Variants in RTTN observed in about 807,000 individuals in gnomAD.
RTTN encodes rotatin.
RTTN carries 182 observed loss-of-function variants against 269.2 expected under a neutral mutation model. That is an observed-to-expected ratio of 0.68 (90% CI 0.60 to 0.76). The LOEUF (loss-of-function observed/expected upper bound fraction) is 0.76, where lower values mean the gene tolerates loss of function less well. Ranked by LOEUF, RTTN falls within the 30% of genes least tolerant of loss-of-function variation. The probability of loss-of-function intolerance (pLI) is 0.00; values close to 1 mark genes in which losing one functional copy is unlikely to be tolerated. For missense variants in RTTN, 2,545 were observed against 2,608.6 expected (o/e 0.98, Z 0.53); for synonymous variants, 1,006 against 963.5 (o/e 1.04, Z -0.82).
chr18:70,170,687 A>G (rs1471691777), intron 11 of RTTN, among the ~76,000 whole-genome samples: 1 of 152,194 alleles, frequency 6.6e-6, no homozygotes, highest in African/African-American at 2.4e-5. Context: ...CCTCTGCTGA[A>G]AGCCACTGGA....
rs1467766982 is a variant in RTTN, at chr18:70,190,521, T to C, written c.1189+17A>G. 1 of 1,574,804 alleles carries C rather than the reference T, an allele frequency of 6.3e-7. No individual in the cohort carries two copies. Among genetic ancestry groups the C allele is most frequent in the South Asian group, 1.1e-5 (1 of 88,290 alleles). Reference sequence around the variant, plus strand: ...GACACAAATTATATCAGAATTACGATTTCTAAAACAACTAACCTGTTCTTA... The same window carrying C: ...GACACAAATTATATCAGAATTACGACTTCTAAAACAACTAACCTGTTCTTA... On this transcript the variant is annotated intron_variant, in intron 9 of 48. Transcript: ENST00000640769.
chr18:70,134,658 G>A, intron 22 of RTTN, 117 bp from the exon 23 acceptor site: 2 of 641,722 alleles, frequency 3.1e-6, no homozygotes, highest in Non-Finnish European at 5.5e-6. Context: ...GTGCAACTGA[G>A]TCTATCATTT....
At position 70,092,127 on chromosome 18, in the gene RTTN, C is replaced by T; in HGVS notation, c.4126G>A (p.Val1376Ile). Residue 1376 changes from valine (V) to isoleucine (I), a missense_variant, in exon 30 of 49, where the codon GTT (valine) becomes ATT (isoleucine). Coordinates refer to ENST00000640769, the MANE Select transcript of RTTN (RefSeq NM_173630.4). ...QGLAWLIPLWVDRDPEVRFTS... is the reference protein window; with the variant it reads ...QGLAWLIPLWIDRDPEVRFTS... ...ACACTCACCTCTGGGTCCCGATCAA[C>T]CCATAATGGAATCAACCAAGCCAAT... The T allele has an allele frequency of 2.5e-6, 4 of 1,610,518 alleles. No individual in the cohort carries two copies. The highest frequency in any genetic ancestry group is 1.1e-5 in the South Asian group (1 of 90,980).
At chr18:70,095,819 T>A (rs1315805214) in intron 28 of RTTN, among the ~76,000 whole-genome samples, 4 of 152,154 alleles carry the variant, frequency 2.6e-5, no homozygotes, top group Non-Finnish European at 5.9e-5. Context: ...TCTCTGTATT[T>A]CCTGAATTGG....
Position 70,204,132 on chromosome 18 carries a change from C to G in RTTN, c.351G>C (p.Ser117=). The G allele has an allele frequency of 6.2e-7, 1 of 1,613,944 alleles. No homozygotes were observed. The change falls in exon 3 of 49, where the codon TCG becomes TCC. Residue 117 remains serine, a synonymous_variant. Transcript: ENST00000640769. The part of the protein sequence containing the change: ...GILDGLFLLP[S]EVPALSSASY... ...AGGCAGAAGATAGTGCAGGAACTTC[C>G]GAAGGAAGAAGAAAAAGTCCATCCA...
At chr18:70,154,377 T>G (rs1375286179) in intron 14 of RTTN, among the ~76,000 whole-genome samples, 1 of 152,086 alleles carries the variant, frequency 6.6e-6, no homozygotes, top group Non-Finnish European at 1.5e-5. Context: ...TATTTTCCTA[T>G]CTGCAAAAAT....
chr18:70,179,453 T>G (rs920447885), intron 10 of RTTN, among the ~76,000 whole-genome samples: 3 of 152,214 alleles, frequency 2.0e-5, no homozygotes, highest in African/African-American at 7.2e-5. Context: ...TTCCAACATT[T>G]CTTCTAAGCA....
At chr18:70,116,568 C>G (rs1261604852) in intron 26 of RTTN, among the ~76,000 whole-genome samples, 1 of 152,032 alleles carries the variant, frequency 6.6e-6, no homozygotes, top group Non-Finnish European at 1.5e-5. Flanking sequence ...CTACAGATGT[C>G]AAGTGCTTAA....
At chr18:70,134,793 T>C (rs1429156253) in intron 22 of RTTN, among the ~76,000 whole-genome samples, 4 of 152,178 alleles carry the variant, frequency 2.6e-5, no homozygotes, top group Non-Finnish European at 4.4e-5. Context: ...AGGTGGACTT[T>C]GTGCGTCTCC....
At chr18:70,151,691 C>G (rs2060542748) in intron 14 of RTTN, among the ~76,000 whole-genome samples, 1 of 152,144 alleles carries the variant, frequency 6.6e-6, no homozygotes, top group African/African-American at 2.4e-5. Context: ...TAGCTGTCAC[C>G]TACTTCCTTA....
intron 18 of RTTN, among the ~76,000 whole-genome samples, chr18:70,143,405 C>T (rs2060309561): frequency 6.6e-6 from 1 of 152,118 alleles, no homozygotes; most frequent in Non-Finnish European, 1.5e-5. Flanking sequence ...CCATAGAGTA[C>T]CATGCAGCCC....
chr18:70,112,225 C>T (rs762709329), intron 27 of RTTN, among the ~76,000 whole-genome samples: 9 of 152,088 alleles, frequency 5.9e-5, no homozygotes, highest in Middle Eastern at 3.2e-3. Context: ...AGAACATCGA[C>T]GCTATGAAGA....
intron 44 of RTTN, among the ~76,000 whole-genome samples, chr18:70,023,589 CT>C (rs980459530): frequency 2.6e-5 from 4 of 152,094 alleles, no homozygotes; most frequent in African/African-American, 7.2e-5. Context: ...CCCCGGACAC[CT>C]TTTTTTCCTT....
At chr18:70,105,087 C>T (rs949087104) in intron 28 of RTTN, among the ~76,000 whole-genome samples, 1 of 152,216 alleles carries the variant, frequency 6.6e-6, no homozygotes, top group Non-Finnish European at 1.5e-5. Flanking sequence ...CTATGCCCTG[C>T]CCCCAGAAGT....
intron 37 of RTTN, among the ~76,000 whole-genome samples, chr18:70,055,538 G>C (rs572874069): frequency 6.6e-6 from 1 of 152,108 alleles, no homozygotes; most frequent in African/African-American, 2.4e-5. Context: ...GGTGGCTCCA[G>C]GCTTCACAAA....
At chr18:70,205,350 C>T (rs2062050180) in intron 1 of RTTN, 35 bp from the exon 2 acceptor site, 6 of 1,609,910 alleles carry the variant, frequency 3.7e-6, no homozygotes, top group Non-Finnish European at 5.1e-6. Flanking sequence ...TTTTATTTCC[C>T]GACTGCAAAG....
intron 23 of RTTN, chr18:70,131,507 G>C (rs966112649): frequency 4.0e-5 from 6 of 151,466 alleles, no homozygotes; most frequent in Admixed American, 1.3e-4. Flanking sequence ...TATTATAAAA[G>C]AATAATCATC....
chr18:70,070,200 G>A (rs1265109117), intron 34 of RTTN, among the ~76,000 whole-genome samples: 1 of 152,252 alleles, frequency 6.6e-6, no homozygotes, highest in East Asian at 1.9e-4. Flanking sequence ...CACAGTTCCT[G>A]TGCCATCCTG....
chr18:70,100,896 T>C lies in RTTN; in HGVS notation c.3904-8092A>G, dbSNP rs1175542851. Among the ~76,000 whole-genome samples the C allele has an allele frequency of 2.6e-5, 4 of 152,232 alleles. No individual in the cohort carries two copies. The East Asian group carries it at 7.7e-4, about 29-fold the overall frequency. ...GGTTACGTTTATTGATCTGTGCATG[T>C]TGAACCAGCCTTGCATCCCAGGGAT... On this transcript the variant is annotated intron_variant, in intron 28 of 48. Coordinates refer to ENST00000640769, the MANE Select transcript of RTTN (RefSeq NM_173630.4).
Sources: gnomAD v4.1 joint callset for allele counts (sites outside exome capture counted in the v4.1 genomes callset) on GRCh38, gnomAD v4.1.1 for gene constraint, MANE v1.5 for transcripts, NCBI Gene and HGNC (gene_info 2026-07-23, HGNC 2026-07-21) for gene names.